Variants in GFRAL observed in about 807,000 individuals in gnomAD.
GFRAL encodes GDNF family receptor alpha like.
A neutral mutation model predicts 45.4 loss-of-function variants in GFRAL; 36 were observed. The ratio of observed to expected loss-of-function variants is 0.79; its 90% CI spans 0.61 to 1.05. GFRAL has a LOEUF of 1.05. Among genes scored for constraint, GFRAL ranks in the 50% least tolerant of loss-of-function variants. The pLI is 0.00. For synonymous variants in GFRAL, 166 were observed against 154.1 expected, an observed-to-expected ratio of 1.08 and a Z score of -0.57; for missense variants, 507 against 467.5, an observed-to-expected ratio of 1.08 and a Z score of -0.78.
At chr6:55,352,738 C>T (rs1768133753) in intron 5 of GFRAL, among the ~76,000 whole-genome samples, 3 of 151,972 alleles carry the variant, frequency 2.0e-5, no homozygotes, top group African/African-American at 7.2e-5. Flanking sequence ...TTTGGACATC[C>T]CTAGCACACA....
chr6:55,365,650 G>A (rs1481785866), intron 6 of GFRAL, among the ~76,000 whole-genome samples: 1 of 136,720 alleles, frequency 7.3e-6, no homozygotes, highest in Non-Finnish European at 1.6e-5. Context: ...TTAGCATGAA[G>A]GGTTGTTGAA....
At chr6:55,397,653 T>C (rs556340110) in intron 6 of GFRAL, among the ~76,000 whole-genome samples, 6 of 151,720 alleles carry the variant, frequency 4.0e-5, no homozygotes, top group African/African-American at 1.4e-4. Flanking sequence ...TCTGACCCAC[T>C]CTGGGAGGTT....
At chr6:55,398,398 T>C (rs1246953944) in intron 6 of GFRAL, among the ~76,000 whole-genome samples, 2 of 152,178 alleles carry the variant, frequency 1.3e-5, no homozygotes, top group African/African-American at 4.8e-5. Flanking sequence ...TACTAAACTA[T>C]TGGTATGTTT....
chr6:55,351,331 C>T lies in GFRAL; in HGVS notation c.449C>T (p.Ser150Phe). 2.5e-6 allele frequency: 4 copies of T among 1,613,608 alleles called. No homozygotes were observed. Among genetic ancestry groups the T allele is most frequent in the Non-Finnish European group, 3.4e-6 (4 of 1,179,720 alleles). ...GTGGTCTGTAATGCACAGTTGGCCTCTTACCTTAAAGCTTGCTCAGCAAAT... is the reference window on the plus strand; with the variant it reads ...GTGGTCTGTAATGCACAGTTGGCCTTTTACCTTAAAGCTTGCTCAGCAAAT... Reference protein sequence around the residue: ...GDVVCNAQLASYLKACSANGN... With the variant: ...GDVVCNAQLAFYLKACSANGN... The change falls in exon 5 of 9, where the codon TCT becomes TTT. Residue 150 changes from serine to phenylalanine, a missense_variant. Ser to Phe is a radical substitution (Grantham distance 155). Transcript: ENST00000340465.
At chr6:55,369,463 C>T (rs1768420362) in intron 6 of GFRAL, among the ~76,000 whole-genome samples, 1 of 152,126 alleles carries the variant, frequency 6.6e-6, no homozygotes, top group African/African-American at 2.4e-5. Flanking sequence ...ATCTTGGCTC[C>T]TCCCTGCTTA....
intron 6 of GFRAL, among the ~76,000 whole-genome samples, chr6:55,395,171 A>ATATATATATATATATAT (rs1327884681): frequency 1.1e-5 from 1 of 90,826 alleles, no homozygotes; most frequent in African/African-American, 5.6e-5. Flanking sequence ...GGAAAAAAAA[A>ATATATATATATATATAT]AAAAATATAT....
chr6:55,363,221 T>G (rs1359920176), intron 6 of GFRAL, among the ~76,000 whole-genome samples: 1 of 151,910 alleles, frequency 6.6e-6, no homozygotes, highest in African/African-American at 2.4e-5. Flanking sequence ...GTTCATAAGG[T>G]TGGTGTATAT....
intron 6 of GFRAL, among the ~76,000 whole-genome samples, chr6:55,390,847 C>T (rs913470091): frequency 7.3e-5 from 11 of 151,270 alleles, no homozygotes; most frequent in Non-Finnish European, 1.5e-4. Flanking sequence ...AAGATCGCGC[C>T]ATTGCACTCC....
chr6:55,351,367 G>A lies in GFRAL; in HGVS notation c.485G>A (p.Cys162Tyr), dbSNP rs557504977. ...GCTTGCTCAGCAAATGGAAATCCGTGTGATCTGAAACAGTGCCAAGCAGCC... is the reference window on the plus strand; with the variant it reads ...GCTTGCTCAGCAAATGGAAATCCGTATGATCTGAAACAGTGCCAAGCAGCC... ...LKACSANGNP[C>Y]DLKQCQAAIR... Residue 162 changes from cysteine (C) to tyrosine (Y), a missense_variant, in exon 5 of 9, where the codon TGT becomes TAT. Transcript: ENST00000340465. The A allele has an allele frequency of 6.2e-7, 1 of 1,613,676 alleles. No homozygotes were observed. Among genetic ancestry groups the A allele is most frequent in the Non-Finnish European group, 8.5e-7 (1 of 1,179,736 alleles).
In GFRAL at chr6:55,402,063, G is replaced by A. The variant is rs1010691478; in HGVS notation, c.*210G>A. On this transcript the variant is annotated 3_prime_UTR_variant, in exon 9 of 9. Transcript: ENST00000340465. Reference sequence around the variant, plus strand: ...TCAATCTCGGTTCACTGCAACCTCTGCCTCCAAGGTTCAAGTGATTTTCCT... The same window carrying A: ...TCAATCTCGGTTCACTGCAACCTCTACCTCCAAGGTTCAAGTGATTTTCCT... The A allele has an allele frequency of 1.1e-4, 46 of 403,052 alleles. No individual in the cohort carries two copies. Among genetic ancestry groups the A allele is most frequent in the African/African-American group, 6.5e-5 (3 of 46,178 alleles). 25.0% of individuals were successfully genotyped at this position (403,052 alleles called of 1,614,324 possible). A position where few individuals can be genotyped will look rare whatever the true frequency, so the allele number is the denominator to read the frequency against.
At chr6:55,348,118 T>C (rs557278188) in intron 3 of GFRAL, among the ~76,000 whole-genome samples, 5 of 152,160 alleles carry the variant, frequency 3.3e-5, no homozygotes, top group African/African-American at 1.2e-4. Flanking sequence ...CTGTATAGGA[T>C]TTTATAACTC....
intron 5 of GFRAL, among the ~76,000 whole-genome samples, chr6:55,352,974 AAAC>A (rs1471879816): frequency 6.6e-6 from 1 of 152,104 alleles, no homozygotes; most frequent in Non-Finnish European, 1.5e-5. Context: ...GTTTTAAGGC[AAAC>A]AACACTAGGC....
intron 6 of GFRAL, among the ~76,000 whole-genome samples, chr6:55,379,655 A>AT (rs1331339924): frequency 2.0e-5 from 3 of 151,734 alleles, no homozygotes; most frequent in African/African-American, 7.3e-5. Flanking sequence ...CATAGTTATC[A>AT]TTTTTGTGGT....
Position 55,331,732 on chromosome 6 carries a change from G to A in GFRAL, c.40G>A (p.Glu14Lys), listed in dbSNP as rs1681370656. ...FIFLAMGLSL[E>K]NEYTSQTNNC... Reference sequence around the variant, plus strand: ...TATTCAAGCTATGGGGTTAAGCTTGGAAAATGAATACACTTCCCAAACCAA... The same window carrying A: ...TATTCAAGCTATGGGGTTAAGCTTGAAAAATGAATACACTTCCCAAACCAA... The change falls in exon 2 of 9, where the codon GAA (glutamate) becomes AAA (lysine). Residue 14 changes from glutamate to lysine, a missense_variant. Transcript: ENST00000340465. 4 of 1,608,226 alleles carry A rather than the reference G, an allele frequency of 2.5e-6. No homozygotes were observed. The highest frequency in any genetic ancestry group is 4.5e-5 in the East Asian group (2 of 44,446).
intron 6 of GFRAL, among the ~76,000 whole-genome samples, chr6:55,361,052 C>T (rs879529874): frequency 6.6e-6 from 1 of 151,874 alleles, no homozygotes; most frequent in Non-Finnish European, 1.5e-5. Context: ...AAAAAATTTG[C>T]AGAGGCACTA....
chr6:55,388,958 G>A (rs892569809), intron 6 of GFRAL, among the ~76,000 whole-genome samples: 28 of 151,882 alleles, frequency 1.8e-4, no homozygotes, highest in African/African-American at 6.5e-4. Context: ...ATTTCCACTA[G>A]CCCATTATAA....
intron 8 of GFRAL, among the ~76,000 whole-genome samples, chr6:55,399,644 G>A (rs1299494820): frequency 6.6e-6 from 1 of 152,090 alleles, no homozygotes; most frequent in Non-Finnish European, 1.5e-5. Flanking sequence ...GATCATAGGA[G>A]ATTTTTTATG....
chr6:55,388,915 T>A (rs542145825), intron 6 of GFRAL, among the ~76,000 whole-genome samples: 1 of 152,154 alleles, frequency 6.6e-6, no homozygotes, highest in Non-Finnish European at 1.5e-5. Context: ...CTTCCTGTTC[T>A]TCCCCCAGCT....
At chr6:55,357,129 A>G (rs781569345) in intron 5 of GFRAL, among the ~76,000 whole-genome samples, 6 of 151,930 alleles carry the variant, frequency 3.9e-5, no homozygotes, top group Non-Finnish European at 7.4e-5. Flanking sequence ...ACCATTGACA[A>G]CGATCTGCGT....
Sources: allele counts gnomAD v4.1 joint callset (sites outside exome capture counted in the v4.1 genomes callset), GRCh38; gene constraint gnomAD v4.1.1; transcripts MANE v1.5; gene names NCBI Gene and HGNC (gene_info 2026-07-23, HGNC 2026-07-21).